The following CSMD1 variants were observed in gnomAD, a reference collection of about 807,000 sequenced individuals.
CSMD1 encodes CUB and Sushi multiple domains 1.
Under a neutral mutation model 417.5 loss-of-function variants are expected in CSMD1, and 213 were observed. That is an observed-to-expected ratio of 0.51 (90% CI 0.46 to 0.57). CSMD1 has a LOEUF of 0.57. Ranked by LOEUF, CSMD1 falls within the 20% of genes least tolerant of loss-of-function variation. The pLI, the probability that CSMD1 is intolerant of heterozygous loss-of-function variation, is 0.00. For synonymous variants in CSMD1, 2,862 were observed against 1,736.8 expected (o/e 1.65, Z -16.11); for missense variants, 6,923 against 4,529.7 (o/e 1.53, Z -15.17).
At chr8:4,124,032 A>C (rs1172103148) in intron 3 of CSMD1, among the ~76,000 whole-genome samples, 2 of 152,076 alleles carry the variant, frequency 1.3e-5, no homozygotes, top group African/African-American at 4.8e-5. Flanking sequence ...TTTTTTTTCT[A>C]CATTGCATTC....
chr8:3,543,281 C>T (rs1443798906), intron 10 of CSMD1, among the ~76,000 whole-genome samples: 5 of 152,202 alleles, frequency 3.3e-5, no homozygotes, highest in East Asian at 1.9e-4. Flanking sequence ...CAGAGGACAT[C>T]GGAGAACATT....
At chr8:4,274,175 A>G (rs1275638541) in intron 3 of CSMD1, among the ~76,000 whole-genome samples, 1 of 152,198 alleles carries the variant, frequency 6.6e-6, no homozygotes, top group African/African-American at 2.4e-5. Context: ...GCAAAGTTAA[A>G]TTAGACATCA....
chr8:3,110,304 G>C lies in CSMD1; in HGVS notation c.6462C>G (p.Asn2154Lys), dbSNP rs766264947. The change falls in exon 43 of 70, where the codon AAC becomes AAG. Residue 2154 changes from asparagine to lysine, a missense_variant. Asn to Lys is a moderately conservative substitution (Grantham distance 94). Coordinates refer to ENST00000635120, the MANE Select transcript of CSMD1 (RefSeq NM_033225.6). ...APCGYNVTSQ[N>K]GTIYSPGFPD... Reference sequence around the variant, plus strand: ...GAAAGCCAGGGGAGTAGATGGTGCCGTTCTGAGAAGTTACGTTGTACCCAC... The same window carrying C: ...GAAAGCCAGGGGAGTAGATGGTGCCCTTCTGAGAAGTTACGTTGTACCCAC... 6.2e-7 allele frequency: 1 copy of C among 1,612,350 alleles called. No homozygotes were observed. The highest frequency in any genetic ancestry group is 8.5e-7 in the Non-Finnish European group (1 of 1,179,262).
At chr8:4,393,966 T>C (rs1804033902) in intron 3 of CSMD1, among the ~76,000 whole-genome samples, 1 of 152,184 alleles carries the variant, frequency 6.6e-6, no homozygotes, top group African/African-American at 2.4e-5. Flanking sequence ...ACGCAGAATA[T>C]GCCATTTGCC....
chr8:4,408,637 A>C (rs1796472425), intron 3 of CSMD1, among the ~76,000 whole-genome samples: 1 of 152,210 alleles, frequency 6.6e-6, no homozygotes, highest in Admixed American at 6.5e-5. Flanking sequence ...TCTATATGAC[A>C]CCATTTCAAG....
chr8:4,867,186 A>C (rs1470525524), intron 1 of CSMD1, among the ~76,000 whole-genome samples: 3 of 152,068 alleles, frequency 2.0e-5, no homozygotes, highest in Non-Finnish European at 4.4e-5. Flanking sequence ...AAAAACTAAA[A>C]AATGGTGCAT....
chr8:4,247,079 C>G (rs1802759384), intron 3 of CSMD1, among the ~76,000 whole-genome samples: 1 of 152,168 alleles, frequency 6.6e-6, no homozygotes, highest in South Asian at 2.1e-4. Context: ...AGGGCTACCC[C>G]ATGGGTTGTA....
chr8:3,967,925 T>G (rs1260946135), intron 5 of CSMD1, among the ~76,000 whole-genome samples: 1 of 150,014 alleles, frequency 6.7e-6, no homozygotes, highest in South Asian at 2.1e-4. Flanking sequence ...CCCAGCACTT[T>G]GGGAGGCCGA....
chr8:4,776,882 C>A (rs907018089), intron 1 of CSMD1, among the ~76,000 whole-genome samples: 2 of 152,182 alleles, frequency 1.3e-5, no homozygotes, highest in Non-Finnish European at 2.9e-5. Context: ...TGCTTATCTT[C>A]ATCTTTAAAA....
chr8:4,335,857 G>A (rs963599379), intron 3 of CSMD1, among the ~76,000 whole-genome samples: 2 of 152,192 alleles, frequency 1.3e-5, no homozygotes, highest in African/African-American at 2.4e-5. Flanking sequence ...CTAAGCTGGG[G>A]AGAACAGGGG....
At chr8:4,314,099 T>G (rs1798783955) in intron 3 of CSMD1, among the ~76,000 whole-genome samples, 1 of 151,980 alleles carries the variant, frequency 6.6e-6, no homozygotes, top group South Asian at 2.1e-4. Context: ...GATGGGGGAT[T>G]CAACACTGAT....
intron 3 of CSMD1, among the ~76,000 whole-genome samples, chr8:4,415,849 A>G (rs2128937300): frequency 6.6e-6 from 1 of 152,330 alleles, no homozygotes; most frequent in African/African-American, 2.4e-5. Flanking sequence ...GTATACGTAA[A>G]TAAACGTAAT....
chr8:4,328,409 T>C (rs1799678942), intron 3 of CSMD1, among the ~76,000 whole-genome samples: 2 of 152,182 alleles, frequency 1.3e-5, no homozygotes, highest in Admixed American at 6.5e-5. Context: ...TTTCTACTTT[T>C]GAGTAGTTTT....
At chr8:4,037,875 G>A (rs185489304) in intron 3 of CSMD1, among the ~76,000 whole-genome samples, 9 of 151,798 alleles carry the variant, frequency 5.9e-5, no homozygotes, top group East Asian at 1.9e-4. Flanking sequence ...GTATACATAC[G>A]TACAATAACT....
chr8:3,856,537 C>T (rs1197589075), intron 5 of CSMD1, among the ~76,000 whole-genome samples: 4 of 152,132 alleles, frequency 2.6e-5, no homozygotes, highest in South Asian at 2.1e-4. Context: ...ATAAATGCAA[C>T]GACTGTCCAC....
chr8:3,891,097 G>A (rs1047563915), intron 5 of CSMD1, among the ~76,000 whole-genome samples: 1 of 151,614 alleles, frequency 6.6e-6, no homozygotes, highest in African/African-American at 2.4e-5. Flanking sequence ...CATCCAGGCT[G>A]GAGTGTAGTG....
chr8:4,098,899 G>C (rs979002046), intron 3 of CSMD1, among the ~76,000 whole-genome samples: 3 of 152,096 alleles, frequency 2.0e-5, no homozygotes, highest in Non-Finnish European at 2.9e-5. Context: ...GACCAACTGT[G>C]GGTTAGAACC....
At chr8:3,927,448 C>T (rs998635892) in intron 5 of CSMD1, among the ~76,000 whole-genome samples, 1 of 151,886 alleles carries the variant, frequency 6.6e-6, no homozygotes, top group Admixed American at 6.6e-5. Flanking sequence ...AGGTGGATCA[C>T]AAGGTCAGGA....
chr8:4,112,529 A>C (rs1003224053), intron 3 of CSMD1, among the ~76,000 whole-genome samples: 2 of 152,132 alleles, frequency 1.3e-5, no homozygotes, highest in Non-Finnish European at 2.9e-5. Context: ...AAGACATCCC[A>C]AACTGGACAC....
Sources: allele counts gnomAD v4.1 joint callset (sites outside exome capture counted in the v4.1 genomes callset), GRCh38; gene constraint gnomAD v4.1.1; transcripts MANE v1.5; gene names NCBI Gene and HGNC (gene_info 2026-07-23, HGNC 2026-07-21).